MUC5AC: variants seen among roughly 807,000 people sequenced by gnomAD.
MUC5AC encodes the protein mucin 5AC, oligomeric mucus/gel-forming.
A neutral mutation model predicts 169.7 loss-of-function variants in MUC5AC; 158 were observed. The ratio of observed to expected loss-of-function variants is 0.93; its 90% CI spans 0.82 to 1.06. The LOEUF (loss-of-function observed/expected upper bound fraction) is 1.06, where lower values mean the gene tolerates loss of function less well. Among genes scored for constraint, MUC5AC ranks in the 50% least tolerant of loss-of-function variants. MUC5AC has a pLI of 0.00. For synonymous variants in MUC5AC, 1,975 were observed against 1,237.0 expected, an observed-to-expected ratio of 1.60 and a Z score of -12.52; for missense variants, 4,359 against 3,089.9, an observed-to-expected ratio of 1.41 and a Z score of -9.74.
intron 15 of MUC5AC, among the ~76,000 whole-genome samples, chr11:1,169,472 CCACTCACT>C (rs1227474988): frequency 2.7e-5 from 3 of 112,110 alleles, no homozygotes; most frequent in Non-Finnish European, 5.7e-5. Flanking sequence ...ACTCACTCAC[CCACTCACT>C]CACTCACCTC....
In MUC5AC at chr11:1,194,525, GA is replaced by G; in HGVS notation, c.15050del (p.Asn5017ThrfsTer78). The G allele has an allele frequency of 2.6e-6, 2 of 763,112 alleles. No individual in the cohort carries two copies. Among genetic ancestry groups the G allele is most frequent in the Non-Finnish European group, 2.4e-6 (1 of 416,658 alleles). 47.3% of individuals were successfully genotyped at this position (763,112 alleles called of 1,614,324 possible). On this transcript the variant is annotated frameshift_variant, in exon 35 of 49. Transcript: ENST00000621226. LOFTEE classifies it high-confidence loss of function. Reference protein sequence around the residue: ...NNKVVSPGFRKNGIVVSRIGV... With the variant: ...NNKVVSPGFRXNGIVVSRIGV... The stretch of plus-strand genomic sequence containing the variant: ...ACAAGGTGGTCAGCCCCGGCTTCCG[GA>G]AAAACGGCATCGTGGTCTCGCGCAT...
chr11:1,162,163 C>T lies in MUC5AC; in HGVS notation c.468C>T (p.Gly156=). Residue 156 remains glycine, a synonymous_variant, in exon 4 of 49, where the codon GGC becomes GGT. Transcript: ENST00000621226. The part of the protein sequence containing the change: ...QLTKGSVLVN[G]HPVLLPFSQS... ...CCAAGGGCTCCGTCCTGGTCAACGGCCACCCGTGAGTCTGGGTTCTGGGAT... is the reference window on the plus strand; with the variant it reads ...CCAAGGGCTCCGTCCTGGTCAACGGTCACCCGTGAGTCTGGGTTCTGGGAT... 1 of 1,609,526 alleles carries T rather than the reference C, an allele frequency of 6.2e-7. No individual in the cohort carries two copies. The highest frequency in any genetic ancestry group is 8.5e-7 in the Non-Finnish European group (1 of 1,177,578).
In MUC5AC at chr11:1,198,903, C is replaced by T. The variant is rs779552428; in HGVS notation, c.16203C>T (p.Cys5401=). ...QPGAVVSSSL[C]ETCRCELPGG... ...GCGCCGTGGTCTCCTCGAGCCTGTG[C>T]GAAACCTGCAGGTGTGAGCTGCCGG... The change falls in exon 44 of 49, where the codon TGC becomes TGT. Residue 5401 remains cysteine (C), a synonymous_variant. Transcript: ENST00000621226. 11 of 757,370 alleles carry T rather than the reference C, an allele frequency of 1.5e-5. No individual in the cohort carries two copies. Among genetic ancestry groups the T allele is most frequent in the South Asian group, 8.2e-5 (6 of 73,066 alleles). The allele number at this position is 757,370 out of a possible 1,614,324, so 46.9% of individuals were successfully genotyped here.
chr11:1,172,652 C>T (rs1383490095), intron 16 of MUC5AC, 129 bp downstream of exon 16: 3 of 397,590 alleles, frequency 7.5e-6, no homozygotes, highest in Non-Finnish European at 1.3e-5. Context: ...TGATGGGCAC[C>T]AGGGGCTGGA....
chr11:1,172,832 A>C (rs1158953591), intron 16 of MUC5AC, among the ~76,000 whole-genome samples: 13 of 141,226 alleles, frequency 9.2e-5, no homozygotes, highest in Admixed American at 3.5e-4. Flanking sequence ...TCACCCATTC[A>C]CTCACTCACC....
chr11:1,175,593 ACACG>A (rs1860653916), intron 19 of MUC5AC, among the ~76,000 whole-genome samples: 1 of 146,950 alleles, frequency 6.8e-6, no homozygotes. Context: ...CCACTCATGC[ACACG>A]CATTCACACC....
intron 42 of MUC5AC, 72 bp from the exon 43 acceptor site, chr11:1,198,196 A>C: frequency 2.8e-6 from 2 of 712,526 alleles, no homozygotes; most frequent in South Asian, 2.9e-5. Flanking sequence ...AGGAGGCTGC[A>C]GGGGCGGGAA....
intron 24 of MUC5AC, among the ~76,000 whole-genome samples, chr11:1,178,150 CG>C (rs1860730189): frequency 6.6e-6 from 1 of 152,230 alleles, no homozygotes; most frequent in African/African-American, 2.4e-5. Context: ...GCATAGGCGC[CG>C]GGGTCAGGAC....
intron 30 of MUC5AC, 45 bp from the exon 31 acceptor site, chr11:1,182,110 A>AC (rs1860828523): frequency 2.5e-6 from 1 of 398,302 alleles, no homozygotes; most frequent in Non-Finnish European, 4.4e-6. Context: ...GGCGGCCCCC[A>AC]AGTGCGGGCC....
At position 1,165,406 on chromosome 11, in the gene MUC5AC, G is replaced by A; in HGVS notation, c.1234G>A (p.Asp412Asn). ...AYAPGATYST[D>N]CTNCTCSGGR... is the part of the protein sequence containing the mutation. ...TGCCCCAGGGGCCACCTACTCCACA[G>A]ACTGCACCAACTGGTAGGTCCCAGC... The change falls in exon 10 of 49, where the codon GAC (aspartate) becomes AAC (asparagine). Residue 412 changes from aspartate to asparagine, a missense_variant. By Grantham distance (23) the Asp-to-Asn change is conservative. Coordinates refer to ENST00000621226, the MANE Select transcript of MUC5AC (RefSeq NM_001304359.2). The A allele has an allele frequency of 6.2e-7, 1 of 1,610,814 alleles. No homozygotes were observed. The highest frequency in any genetic ancestry group is 8.5e-7 in the Non-Finnish European group (1 of 1,179,318).
rs1711605296 is a variant in MUC5AC at position 1,186,431 on chromosome 11, C to A, written c.8286C>A (p.Thr2762=). Residue 2762 remains threonine, a synonymous_variant, in exon 31 of 49, where the codon ACC becomes ACA. Transcript: ENST00000621226. ...PTTSTISAST[T]STTSATTTST... ...CCAGCACAATCTCTGCCTCTACCAC[C>A]AGCACAACCTCTGCGACTACAACCA... 3 of 702,548 alleles carry A rather than the reference C, an allele frequency of 4.3e-6. No homozygotes were observed. Among genetic ancestry groups the A allele is most frequent in the Non-Finnish European group, 5.2e-6 (2 of 384,754 alleles). 43.5% of individuals were successfully genotyped at this position (702,548 alleles called of 1,614,324 possible). A position where few individuals can be genotyped will look rare whatever the true frequency, so the allele number is the denominator to read the frequency against.
In MUC5AC at chr11:1,164,211, G is replaced by A; in HGVS notation, c.895G>A (p.Glu299Lys). 1.9e-6 allele frequency: 3 copies of A among 1,612,648 alleles called. No individual in the cohort carries two copies. Among genetic ancestry groups the A allele is most frequent in the Non-Finnish European group, 2.5e-6 (3 of 1,179,880 alleles). Residue 299 changes from glutamate (E) to lysine (K), a missense_variant, in exon 8 of 49, where the codon GAA (glutamate) becomes AAA (lysine). Physicochemically the swap from Glu to Lys is moderately conservative, Grantham distance 56 (BLOSUM62 1). Coordinates refer to ENST00000621226, the MANE Select transcript of MUC5AC (RefSeq NM_001304359.2). ...TTGCAGGCAAGACCTCTGCTTCTGT[G>A]AAGACACCGACCTGCTCAGCTGCGT... Reference protein sequence around the residue: ...EACRQDLCFCEDTDLLSCVCH... With the variant: ...EACRQDLCFCKDTDLLSCVCH...
chr11:1,163,946 T>C lies in MUC5AC; in HGVS notation c.744T>C (p.Cys248=). 1 of 1,611,360 alleles carries C rather than the reference T, an allele frequency of 6.2e-7. No individual in the cohort carries two copies. Among genetic ancestry groups the C allele is most frequent in the Non-Finnish European group, 8.5e-7 (1 of 1,179,408 alleles). Residue 248 remains cysteine, a synonymous_variant, in exon 7 of 49, where the codon TGT becomes TGC. Coordinates refer to ENST00000621226, the MANE Select transcript of MUC5AC (RefSeq NM_001304359.2). The stretch of plus-strand genomic sequence containing the variant: ...AGATGGACGACCCCACGGACCAGTG[T>C]CAGGACCCTGTCCCTGAACCCCCGA... The part of the protein sequence containing the change: ...LQKMDDPTDQ[C]QDPVPEPPRN...
In MUC5AC at chr11:1,188,338, C is replaced by A. The variant is rs1861004186; in HGVS notation, c.10193C>A (p.Thr3398Lys). The A allele has an allele frequency of 3.1e-6, 2 of 654,150 alleles. No individual in the cohort carries two copies. Among genetic ancestry groups the A allele is most frequent in the Non-Finnish European group, 5.7e-6 (2 of 352,512 alleles). The allele number at this position is 654,150 out of a possible 1,614,324, so 40.5% of individuals were successfully genotyped here. The change falls in exon 31 of 49, where the codon ACA (threonine) becomes AAA (lysine). Residue 3398 changes from threonine to lysine, a missense_variant. Coordinates refer to ENST00000621226, the MANE Select transcript of MUC5AC (RefSeq NM_001304359.2). ...ACAACTTCTGCCCCTACAACCAGCA[C>A]AACCTCCACTCCACAGACCAGCATA... ...TSTTSAPTTS[T>K]TSTPQTSISS...
At chr11:1,197,441 G>A (rs571781729) in intron 40 of MUC5AC, 27 bp from the exon 41 acceptor site, 51 of 701,722 alleles carry the variant, frequency 7.3e-5, no homozygotes, top group African/African-American at 6.3e-4. Context: ...CGCTGCGGAC[G>A]CTGGACCTCA....
In MUC5AC at chr11:1,189,036, G is replaced by C. The variant is rs1291817123; in HGVS notation, c.10891G>C (p.Val3631Leu). 27 of 662,694 alleles carry C rather than the reference G, an allele frequency of 4.1e-5. No individual in the cohort carries two copies. The highest frequency in any genetic ancestry group is 1.1e-5 in the Non-Finnish European group (4 of 366,730). The allele number at this position is 662,694 out of a possible 1,614,324, so 41.1% of individuals were successfully genotyped here. The change falls in exon 31 of 49, where the codon GTG becomes CTG. Residue 3631 changes from valine to leucine, a missense_variant. By Grantham distance (32) the Val-to-Leu change is conservative. Coordinates refer to ENST00000621226, the MANE Select transcript of MUC5AC (RefSeq NM_001304359.2). ...PKGCPVTSTS[V>L]TAPSTPSGRA... ...AGGCTGCCCCGTGACCTCCACATCT[G>C]TGACAGCTCCTAGCACCCCTAGTGG...
intron 15 of MUC5AC, among the ~76,000 whole-genome samples, chr11:1,169,886 CCACTCACCGACTCAACCATT>C (rs1860449231): frequency 6.2e-5 from 8 of 128,004 alleles, no homozygotes; most frequent in African/African-American, 5.9e-5. Context: ...ACTCACTCAC[CCACTCACCGACTCAACCATT>C]CACTCACCCA....
Position 1,188,090 on chromosome 11 carries a change from G to A in MUC5AC, c.9945G>A (p.Val3315=). ...TCAAGATGTGCCTCAACTACGAGGT[G>A]CGTGTGCTCTGCTGCGAGACCCCTA... ...GPFKMCLNYE[V]RVLCCETPKG... Residue 3315 remains valine, a synonymous_variant, in exon 31 of 49, where the codon GTG becomes GTA. Coordinates refer to ENST00000621226, the MANE Select transcript of MUC5AC (RefSeq NM_001304359.2). The A allele has an allele frequency of 1.3e-6, 1 of 741,256 alleles. No individual in the cohort carries two copies. The highest frequency in any genetic ancestry group is 2.3e-4 in the Middle Eastern group (1 of 4,332). The allele number at this position is 741,256 out of a possible 1,614,324, so 45.9% of individuals were successfully genotyped here. A position where few individuals can be genotyped will look rare whatever the true frequency, so the allele number is the denominator to read the frequency against.
chr11:1,194,913 A>G, intron 35 of MUC5AC, 99 bp from the exon 36 acceptor site: 2 of 634,192 alleles, frequency 3.2e-6, no homozygotes, highest in South Asian at 3.5e-5. Context: ...GCAGTTCACC[A>G]AGTTGTGACC....
Sources: allele counts gnomAD v4.1 joint callset (sites outside exome capture counted in the v4.1 genomes callset), GRCh38; gene constraint gnomAD v4.1.1; transcripts MANE v1.5; gene names NCBI Gene and HGNC (gene_info 2026-07-23, HGNC 2026-07-21).